Variants in SLC44A5 observed in about 807,000 individuals in gnomAD.
SLC44A5 encodes the protein solute carrier family 44 member 5.
A neutral mutation model predicts 101.8 loss-of-function variants in SLC44A5; 57 were observed. The observed-to-expected ratio is 0.56, with a 90% confidence interval of 0.45 to 0.70. SLC44A5 has a LOEUF of 0.70. Ranked by LOEUF, SLC44A5 falls within the 30% of genes least tolerant of loss-of-function variation. The probability of loss-of-function intolerance (pLI) is 0.00; values close to 1 mark genes in which losing one functional copy is unlikely to be tolerated. For synonymous variants in SLC44A5, 281 were observed against 290.9 expected (o/e 0.97, Z 0.35); for missense variants, 737 against 853.1 (o/e 0.86, Z 1.70).
chr1:75,714,391 G>C, the SLC44A5 span, among the ~76,000 whole-genome samples: 1 of 152,080 alleles, frequency 6.6e-6, no homozygotes, highest in East Asian at 1.9e-4. Flanking sequence ...AACAATAAGA[G>C]TCATCTATGA....
upstream of SLC44A5, among the ~76,000 whole-genome samples, chr1:75,613,462 A>G (rs1023534784): frequency 3.3e-5 from 5 of 152,214 alleles, no homozygotes; most frequent in African/African-American, 1.2e-4. Flanking sequence ...TGCTTCTGTC[A>G]TCTATCAAAT....
At chr1:75,714,598 A>G in the SLC44A5 span, among the ~76,000 whole-genome samples, 6 of 152,236 alleles carry the variant, frequency 3.9e-5, no homozygotes, top group African/African-American at 1.4e-4. Context: ...TTCTATACCT[A>G]TAAAATCCCA....
At chr1:75,378,864 C>G (rs1660787314) in intron 3 of SLC44A5, among the ~76,000 whole-genome samples, 1 of 81,992 alleles carries the variant, frequency 1.2e-5, no homozygotes, top group Non-Finnish European at 2.1e-5. Context: ...TATCGGCCAC[C>G]CCCAGAAAGT....
chr1:75,502,030 A>C (rs1668987729), intron 2 of SLC44A5, among the ~76,000 whole-genome samples: 1 of 152,230 alleles, frequency 6.6e-6, no homozygotes, highest in Admixed American at 6.5e-5. Flanking sequence ...GTGATGAAAC[A>C]ATGCATAAGA....
chr1:75,213,175 C>T (rs758555123), intron 22 of SLC44A5, among the ~76,000 whole-genome samples: 18 of 152,310 alleles, frequency 1.2e-4, no homozygotes, highest in Non-Finnish European at 2.1e-4. Flanking sequence ...AGCTTCCTGA[C>T]ATACCTTCCG....
chr1:75,454,453 G>T (rs1021928811), intron 2 of SLC44A5, among the ~76,000 whole-genome samples: 2 of 151,926 alleles, frequency 1.3e-5, no homozygotes, highest in African/African-American at 4.8e-5. Context: ...TACTGAATAG[G>T]CAAAAGCTGG....
At chr1:75,429,195 G>A (rs547990802) in intron 2 of SLC44A5, among the ~76,000 whole-genome samples, 168 of 152,278 alleles carry the variant, frequency 1.1e-3, no homozygotes, top group Admixed American at 2.4e-3. Context: ...TACCTGGAAT[G>A]TTTTTGTGTT....
chr1:75,684,455 C>T, the SLC44A5 span, among the ~76,000 whole-genome samples: 1 of 152,080 alleles, frequency 6.6e-6, no homozygotes, highest in East Asian at 1.9e-4. Context: ...TACCTAGGAG[C>T]CCATGAAATC....
At chr1:75,569,009 T>C (rs966718026) in intron 1 of SLC44A5, among the ~76,000 whole-genome samples, 2 of 152,198 alleles carry the variant, frequency 1.3e-5, no homozygotes, top group African/African-American at 4.8e-5. Context: ...TTCCCTCACT[T>C]AGGCAGGTAA....
chr1:75,333,865 A>G (rs1422375029), intron 4 of SLC44A5, among the ~76,000 whole-genome samples: 1 of 152,226 alleles, frequency 6.6e-6, no homozygotes, highest in Non-Finnish European at 1.5e-5. Context: ...ACATCAAAGT[A>G]TGAGAGCCTG....
intron 3 of SLC44A5, among the ~76,000 whole-genome samples, chr1:75,378,813 C>T (rs796149766): frequency 0.02 from 1,319 of 65,226 alleles, 18 homozygotes; most frequent in South Asian, 0.046. Context: ...AAGACCCAAC[C>T]GCCAGTAGCT....
intron 4 of SLC44A5, among the ~76,000 whole-genome samples, chr1:75,328,983 A>T (rs1656817491): frequency 6.6e-6 from 1 of 152,174 alleles, no homozygotes; most frequent in Non-Finnish European, 1.5e-5. Context: ...TTGAAAATGG[A>T]GGGTGTGAGG....
At chr1:75,453,549 T>C (rs1666019131) in intron 2 of SLC44A5, among the ~76,000 whole-genome samples, 1 of 151,940 alleles carries the variant, frequency 6.6e-6, no homozygotes, top group African/African-American at 2.4e-5. Context: ...GAATAACTAA[T>C]TGAAATTGAG....
intron 2 of SLC44A5, among the ~76,000 whole-genome samples, chr1:75,416,940 T>C (rs1321512888): frequency 6.6e-6 from 1 of 152,202 alleles, no homozygotes; most frequent in African/African-American, 2.4e-5. Context: ...TACAGGCTCA[T>C]AGGCAGAAGG....
chr1:75,666,005 C>T, the SLC44A5 span, among the ~76,000 whole-genome samples: 39,775 of 152,002 alleles, frequency 0.26, 6,468 homozygotes, highest in East Asian at 0.68. Context: ...AAAGGGAATG[C>T]TTATATACTG....
the SLC44A5 span, among the ~76,000 whole-genome samples, chr1:75,670,870 T>G: frequency 6.2e-4 from 95 of 152,304 alleles, no homozygotes; most frequent in African/African-American, 2.2e-3. Flanking sequence ...GGTGAGGAAT[T>G]GTGTTAAAAT....
At chr1:75,678,571 C>T in the SLC44A5 span, among the ~76,000 whole-genome samples, 6,341 of 148,310 alleles carry the variant, frequency 0.043, 177 homozygotes, top group African/African-American at 0.089. Flanking sequence ...AGAAGGAAAA[C>T]TAACAAACAG....
chr1:75,448,905 C>T lies in SLC44A5; in HGVS notation c.14-52284G>A, dbSNP rs909672378. ...TTGACTCTCCTTTCCTCTAGTCTCA[C>T]CTCTCACTATTCTCCTCTCTCCACT... On this transcript the variant is annotated intron_variant, in intron 2 of 23. Coordinates refer to ENST00000370859, the MANE Select transcript of SLC44A5 (RefSeq NM_001130058.2). 7.9e-5 allele frequency among the ~76,000 whole-genome samples: 12 copies of T among 152,234 alleles called. No homozygotes were observed. In the East Asian group the frequency reaches 2.1e-3, roughly 27 times the overall value.
the SLC44A5 span, among the ~76,000 whole-genome samples, chr1:75,664,018 C>A: frequency 1.2e-4 from 19 of 152,276 alleles, no homozygotes; most frequent in Middle Eastern, 3.4e-3. Flanking sequence ...CAAATCAATA[C>A]ACATGATTCA....
Sources: gnomAD v4.1 joint callset for allele counts (sites outside exome capture counted in the v4.1 genomes callset) on GRCh38, gnomAD v4.1.1 for gene constraint, MANE v1.5 for transcripts, NCBI Gene and HGNC (gene_info 2026-07-23, HGNC 2026-07-21) for gene names.